The following PAICS variants were observed in gnomAD, a reference collection of about 807,000 sequenced individuals.
PAICS encodes bifunctional phosphoribosylaminoimidazole carboxylase/phosphoribosylaminoimidazole succinocarboxamide synthetase.
PAICS carries 33 observed loss-of-function variants against 53.7 expected under a neutral mutation model. The observed-to-expected ratio is 0.61, with a 90% CI of 0.47 to 0.82. The LOEUF (loss-of-function observed/expected upper bound fraction) is 0.82, where lower values mean the gene tolerates loss of function less well. PAICS is among the 40% of genes least tolerant of loss of function. PAICS has a pLI of 0.00. For missense variants in PAICS, 394 were observed against 494.1 expected (o/e 0.80, Z 1.92); for synonymous variants, 141 against 167.2 (o/e 0.84, Z 1.21).
intron 1 of PAICS, among the ~76,000 whole-genome samples, chr4:56,439,482 C>T (rs1718227685): frequency 6.6e-6 from 1 of 152,142 alleles, no homozygotes; most frequent in African/African-American, 2.4e-5. Flanking sequence ...AGTGATCCGC[C>T]CGCCTCGGCC....
chr4:56,463,722 A>C lies in PAICS; in HGVS notation c.*4184A>C, dbSNP rs1044605309. 3 of 151,582 alleles carry C rather than the reference A, an allele frequency of 2.0e-5. No homozygotes were observed. Among genetic ancestry groups the C allele is most frequent in the Non-Finnish European group, 2.9e-5 (2 of 67,970 alleles). The allele number at this position is 151,582 out of a possible 1,614,324, so 9.4% of individuals were successfully genotyped here. A position where few individuals can be genotyped will look rare whatever the true frequency, so the allele number is the denominator to read the frequency against. On this transcript the variant is annotated 3_prime_UTR_variant, in exon 9 of 9. Coordinates refer to ENST00000512576, the MANE Select transcript of PAICS (RefSeq NM_001079524.2). Reference sequence around the variant, plus strand: ...AAAAAAAAAAAAAAAGATACTGTACATGGAAGCTTCTCAGGCTAAATCCAT... The same window carrying C: ...AAAAAAAAAAAAAAAGATACTGTACCTGGAAGCTTCTCAGGCTAAATCCAT...
the PAICS span, chr4:56,420,105 A>G: frequency 3.4e-6 from 2 of 585,826 alleles, no homozygotes; most frequent in African/African-American, 4.0e-5. Context: ...AGGTTCAAGG[A>G]TCCCTTTTCC....
At chr4:56,425,402 A>G in the PAICS span, 1 of 926,450 alleles carries the variant, frequency 1.1e-6, no homozygotes, top group South Asian at 5.0e-5. Flanking sequence ...ACTTATTACT[A>G]AAACTTCAGA....
Position 56,463,483 on chromosome 4 carries a change from C to CG in PAICS, c.*3948dup, listed in dbSNP as rs1719583326. 1 of 151,866 alleles carries CG rather than the reference C, an allele frequency of 6.6e-6. No individual in the cohort carries two copies. The highest frequency in any genetic ancestry group is 2.4e-5 in the African/African-American group (1 of 41,216). 9.4% of individuals were successfully genotyped at this position (151,866 alleles called of 1,614,324 possible). ...GTGAGGTGGGCAGATCACCTGAGGT[C>CG]GGGAGTTCAAGACCAGCCTGACTGA... On this transcript the variant is annotated 3_prime_UTR_variant, in exon 9 of 9. Transcript: ENST00000512576.
upstream of PAICS, among the ~76,000 whole-genome samples, chr4:56,434,506 G>A (rs1293449405): frequency 2.0e-5 from 3 of 152,194 alleles, no homozygotes; most frequent in East Asian, 1.9e-4. Context: ...CAGGTAGTAA[G>A]AAAAGGAAAG....
At chr4:56,432,592 T>C (rs1453525908), upstream of PAICS, among the ~76,000 whole-genome samples, 1 of 150,028 alleles carries the variant, frequency 6.7e-6, no homozygotes, top group Non-Finnish European at 1.5e-5. Context: ...GAGACCATCC[T>C]GGCTAACACA....
the PAICS span, among the ~76,000 whole-genome samples, chr4:56,426,797 T>A: frequency 5.3e-5 from 8 of 152,204 alleles, no homozygotes; most frequent in Non-Finnish European, 8.8e-5. Context: ...ATTATACCCA[T>A]AAGTACGTTC....
intron 1 of PAICS, 65 bp from the exon 2 acceptor site, chr4:56,441,598 G>A: frequency 1.6e-6 from 1 of 632,284 alleles, no homozygotes; most frequent in South Asian, 3.1e-5. Context: ...ATTGTTCTAG[G>A]TGATTTAGTC....
chr4:56,451,993 G>A lies in PAICS; in HGVS notation c.893G>A (p.Arg298Gln), dbSNP rs772842876. 13 of 1,609,024 alleles carry A rather than the reference G, an allele frequency of 8.1e-6. No homozygotes were observed. The highest frequency in any genetic ancestry group is 4.5e-5 in the East Asian group (2 of 44,846). ...AATTTTGGCATTCCATGTGAACTTC[G>A]AGTAACATCTGCGCATAAAGGACCA... ...CGNFGIPCEL[R>Q]VTSAHKGPDE... Residue 298 changes from arginine (R) to glutamine (Q), a missense_variant, in exon 7 of 9, where the codon CGA (arginine) becomes CAA (glutamine). Arg to Gln is a conservative substitution (Grantham distance 43). Transcript: ENST00000512576.
chr4:56,437,819 C>CAAAAAAA (rs869109998), intron 1 of PAICS, among the ~76,000 whole-genome samples: 1 of 21,590 alleles, frequency 4.6e-5, no homozygotes, highest in Non-Finnish European at 9.3e-5. Context: ...GACTCTGTCT[C>CAAAAAAA]AAAAAAAAAA....
Position 56,461,500 on chromosome 4 carries a change from A to G in PAICS, c.*1962A>G, listed in dbSNP as rs1455943020. On this transcript the variant is annotated 3_prime_UTR_variant, in exon 9 of 9. Coordinates refer to ENST00000512576, the MANE Select transcript of PAICS (RefSeq NM_001079524.2). ...TTTAGACTGGTGGATAGGACTGACC[A>G]TTACAAATTGTCGTTATCAATTTTT... 2.6e-5 allele frequency: 4 copies of G among 151,854 alleles called. No individual in the cohort carries two copies. The highest frequency in any genetic ancestry group is 9.7e-5 in the African/African-American group (4 of 41,354). The allele number at this position is 151,854 out of a possible 1,614,324, so 9.4% of individuals were successfully genotyped here.
At chr4:56,449,277 C>T (rs1271092982) in intron 5 of PAICS, among the ~76,000 whole-genome samples, 1 of 152,206 alleles carries the variant, frequency 6.6e-6, no homozygotes, top group Non-Finnish European at 1.5e-5. Flanking sequence ...AGCTCATCAT[C>T]ACTGATCATT....
intron 1 of PAICS, chr4:56,436,529 G>A (rs1235380747): frequency 2.8e-6 from 2 of 711,478 alleles, no homozygotes; most frequent in Middle Eastern, 2.3e-4. Context: ...GAGCAAAGTA[G>A]AGGAGAACGA....
the PAICS span, chr4:56,416,458 A>G: frequency 2.6e-4 from 84 of 318,690 alleles, no homozygotes; most frequent in Admixed American, 4.5e-4. Flanking sequence ...AATGGATGGG[A>G]CAGAATGAAA....
chr4:56,411,513 G>A, the PAICS span, among the ~76,000 whole-genome samples: 25 of 152,256 alleles, frequency 1.6e-4, no homozygotes, highest in Non-Finnish European at 2.6e-4. Context: ...GTTTCTTGAC[G>A]TGCTGTGTTG....
the PAICS span, chr4:56,414,298 G>C: frequency 6.3e-4 from 96 of 152,312 alleles, no homozygotes; most frequent in African/African-American, 2.2e-3. Flanking sequence ...CCACTGTTGG[G>C]ATCAACCTCA....
upstream of PAICS, chr4:56,435,958 A>G (rs556326054): frequency 5.3e-5 from 80 of 1,506,270 alleles, no homozygotes; most frequent in South Asian, 5.1e-4. Context: ...TCGCTCCCGC[A>G]GCCGAGAAGG....
chr4:56,426,452 A>C, the PAICS span, among the ~76,000 whole-genome samples: 1 of 151,944 alleles, frequency 6.6e-6, no homozygotes, highest in Non-Finnish European at 1.5e-5. Context: ...TAACTGCTTG[A>C]CCACACCTCT....
rs1163605322 is a variant in PAICS, at chr4:56,448,585, G to A, written c.561G>A (p.Leu187=). Reference sequence around the variant, plus strand: ...CCTGGTTGCCCCAGAATTGTACACTGGTTGATATGAAGGTACAGATAAAAC... The same window carrying A: ...CCTGGTTGCCCCAGAATTGTACACTAGTTGATATGAAGGTACAGATAAAAC... The part of the protein sequence containing the change: ...EKSWLPQNCT[L]VDMKIEFGVD... Residue 187 remains leucine, a synonymous_variant, in exon 4 of 9, where the codon CTG becomes CTA. Coordinates refer to ENST00000512576, the MANE Select transcript of PAICS (RefSeq NM_001079524.2). 2 of 1,599,092 alleles carry A rather than the reference G, an allele frequency of 1.3e-6. No homozygotes were observed.
Sources: allele counts gnomAD v4.1 joint callset (sites outside exome capture counted in the v4.1 genomes callset), GRCh38; gene constraint gnomAD v4.1.1; transcripts MANE v1.5; gene names NCBI Gene and HGNC (gene_info 2026-07-23, HGNC 2026-07-21).